Variants in CD9 observed in about 807,000 individuals in gnomAD.
CD9 encodes the protein CD9 antigen.
In CD9, 10 loss-of-function variants were observed where a neutral mutation model predicts 31.4. The ratio of observed to expected loss-of-function variants is 0.32; its 90% confidence interval spans 0.20 to 0.54. CD9 has a LOEUF of 0.54. Ranked by LOEUF, CD9 falls within the 20% of genes least tolerant of loss-of-function variation. The probability of loss-of-function intolerance (pLI) is 0.94; values close to 1 mark genes in which losing one functional copy is unlikely to be tolerated. For synonymous variants in CD9, 113 were observed against 114.1 expected (o/e 0.99, Z 0.06); for missense variants, 259 against 300.1 (o/e 0.86, Z 1.01).
At chr12:6,213,731 AGGAAGGTAGCGCCTGAGG>A (rs1386361046) in intron 1 of CD9, among the ~76,000 whole-genome samples, 18 of 152,240 alleles carry the variant, frequency 1.2e-4, no homozygotes, top group Admixed American at 1.2e-3. Flanking sequence ...AGGAAGTGGA[AGGAAGGTAGCGCCTGAGG>A]GTGCAGCTTC....
intron 2 of CD9, among the ~76,000 whole-genome samples, chr12:6,229,682 G>C (rs540840980): frequency 6.6e-6 from 1 of 152,068 alleles, no homozygotes. Context: ...TTGCAGGACA[G>C]AGCTGGTGTA....
At chr12:6,200,660 T>C (rs898047818) in intron 1 of CD9, 95 bp downstream of exon 1, 37 of 795,254 alleles carry the variant, frequency 4.7e-5, no homozygotes, top group Non-Finnish European at 7.2e-5. Flanking sequence ...CAGCTGGCAC[T>C]GCCCGCACCG....
intron 1 of CD9, among the ~76,000 whole-genome samples, chr12:6,218,858 A>G (rs1437184297): frequency 1.3e-5 from 2 of 152,018 alleles, no homozygotes; most frequent in African/African-American, 4.8e-5. Flanking sequence ...TTGGGTTCTC[A>G]TGTCTCCTGA....
rs529488399 is a variant in CD9, at chr12:6,216,700, A to G, written c.67-8726A>G. On this transcript the variant is annotated intron_variant, in intron 1 of 7. Coordinates refer to ENST00000009180, the MANE Select transcript of CD9 (RefSeq NM_001769.4). ...GCAGTTTGCAGGTGTGAAGCAGATA[A>G]GTTTATCCATTTTCCTCCACTACCC... Among the ~76,000 whole-genome samples the G allele has an allele frequency of 3.2e-3, 488 of 152,166 alleles. 8 individuals carry two copies. The highest frequency in any genetic ancestry group is 0.03 in the South Asian group (144 of 4,812).
chr12:6,223,323 G>T (rs1259029352), intron 1 of CD9, among the ~76,000 whole-genome samples: 1 of 150,820 alleles, frequency 6.6e-6, no homozygotes, highest in Non-Finnish European at 1.5e-5. Flanking sequence ...GTGCAGTGGC[G>T]CAATCTCCGC....
chr12:6,211,566 C>T (rs1415458062), intron 1 of CD9, among the ~76,000 whole-genome samples: 2 of 152,228 alleles, frequency 1.3e-5, no homozygotes, highest in Non-Finnish European at 2.9e-5. Flanking sequence ...GCGGCCAACT[C>T]TGCAGATGGA....
Position 6,235,342 on chromosome 12 carries a change from C to G in CD9, c.447+15C>G, listed in dbSNP as rs1555090936. 2 of 1,614,214 alleles carry G rather than the reference C, an allele frequency of 1.2e-6. No homozygotes were observed. The highest frequency in any genetic ancestry group is 2.2e-5 in the South Asian group (2 of 91,084). On this transcript the variant is annotated intron_variant, in intron 5 of 7. Coordinates refer to ENST00000009180, the MANE Select transcript of CD9 (RefSeq NM_001769.4). The stretch of plus-strand genomic sequence containing the variant: ...TCCACTATGCGGTATGTCGCCTTGG[C>G]AAAGACACCCTCCTGCGCTTTCTCC...
intron 1 of CD9, among the ~76,000 whole-genome samples, chr12:6,224,457 C>T (rs1326947111): frequency 6.6e-6 from 1 of 152,120 alleles, no homozygotes; most frequent in Admixed American, 6.5e-5. Flanking sequence ...CCCACACTCA[C>T]TGCCATATCG....
Position 6,231,583 on chromosome 12 carries a change from C to G in CD9, c.176-1049C>G, listed in dbSNP as rs567989356. Among the ~76,000 whole-genome samples, 19 of 152,316 alleles carry G rather than the reference C, an allele frequency of 1.2e-4. No individual in the cohort carries two copies. The East Asian group carries it at 3.5e-3, about 28-fold the overall frequency. ...TCTCAAGAATAGAACTGTGGGGTGG[C>G]CCCTCTGGGCATTCCTTTGGTGGGT... On this transcript the variant is annotated intron_variant, in intron 2 of 7. Coordinates refer to ENST00000009180, the MANE Select transcript of CD9 (RefSeq NM_001769.4).
chr12:6,234,314 G>A (rs893048701), intron 4 of CD9: 2 of 152,224 alleles, frequency 1.3e-5, no homozygotes, highest in African/African-American at 4.8e-5. Context: ...TGAGATGCTG[G>A]AGGCAGGAAC....
intron 1 of CD9, among the ~76,000 whole-genome samples, chr12:6,214,866 G>A (rs1268283880): frequency 6.6e-6 from 1 of 152,124 alleles, no homozygotes; most frequent in African/African-American, 2.4e-5. Flanking sequence ...GTTCACGCAG[G>A]CAGGGCCTGG....
intron 2 of CD9, among the ~76,000 whole-genome samples, chr12:6,228,513 C>T (rs1946397891): frequency 7.3e-6 from 1 of 137,388 alleles, no homozygotes; most frequent in Non-Finnish European, 1.5e-5. Context: ...GATCACACCA[C>T]TGAGGCTCTG....
intron 7 of CD9, 26 bp downstream of exon 7, chr12:6,236,301 A>G: frequency 6.3e-7 from 1 of 1,597,676 alleles, no homozygotes. Flanking sequence ...TCGTCCCAGG[A>G]GGGGGACTGA....
At position 6,225,519 on chromosome 12, in the gene CD9, T is replaced by A. The variant is rs760867605; in HGVS notation, c.160T>A (p.Ser54Thr). 6.2e-7 allele frequency: 1 copy of A among 1,603,774 alleles called. No individual in the cohort carries two copies. Among genetic ancestry groups the A allele is most frequent in the Admixed American group, 1.7e-5 (1 of 59,984 alleles). Residue 54 changes from serine to threonine, a missense_variant, in exon 2 of 8, where the codon TCC becomes ACC. Ser to Thr is a moderately conservative substitution (Grantham distance 58). Coordinates refer to ENST00000009180, the MANE Select transcript of CD9 (RefSeq NM_001769.4). ...IFEQETNNNNSSFYTGVYILI... is the reference protein window; with the variant it reads ...IFEQETNNNNTSFYTGVYILI... ...CGAGCAAGAAACTAATAATAATAAT[T>A]CCAGCTTCTACACAGGTGAGGGACG... is the stretch of plus-strand genomic sequence containing the variant.
At chr12:6,229,524 C>G (rs1021521238) in intron 2 of CD9, among the ~76,000 whole-genome samples, 2 of 152,172 alleles carry the variant, frequency 1.3e-5, no homozygotes, top group Non-Finnish European at 2.9e-5. Context: ...CTCGGGAGGG[C>G]GGGAACCAAG....
At chr12:6,217,500 C>T (rs1946254459) in intron 1 of CD9, among the ~76,000 whole-genome samples, 1 of 152,194 alleles carries the variant, frequency 6.6e-6, no homozygotes, top group Non-Finnish European at 1.5e-5. Context: ...CACTGTACTC[C>T]AGCCTGGGTG....
intron 1 of CD9, among the ~76,000 whole-genome samples, chr12:6,217,833 A>G (rs2136615227): frequency 6.6e-6 from 1 of 152,342 alleles, no homozygotes; most frequent in Middle Eastern, 3.4e-3. Context: ...AGGCCAAGGC[A>G]TCCTCAGCAA....
intron 1 of CD9, among the ~76,000 whole-genome samples, chr12:6,223,221 C>G (rs1946315114): frequency 6.6e-6 from 1 of 151,720 alleles, no homozygotes; most frequent in Non-Finnish European, 1.5e-5. Flanking sequence ...CTGGGCCTCC[C>G]TGGGGTTGGG....
At chr12:6,200,884 T>A (rs1480023432) in intron 1 of CD9, 1 of 275,428 alleles carries the variant, frequency 3.6e-6, no homozygotes, top group African/African-American at 2.2e-5. Context: ...GGTGTGTGTC[T>A]GCTCCCAGCT....
Sources: allele counts gnomAD v4.1 joint callset (sites outside exome capture counted in the v4.1 genomes callset), GRCh38; gene constraint gnomAD v4.1.1; transcripts MANE v1.5; gene names NCBI Gene and HGNC (gene_info 2026-07-23, HGNC 2026-07-21).